Variants in OGFOD1 observed in about 807,000 individuals in gnomAD.
OGFOD1 encodes the protein 2-oxoglutarate and iron dependent oxygenase domain containing 1.
A neutral mutation model predicts 67.7 loss-of-function variants in OGFOD1; 54 were observed. That is an observed-to-expected ratio of 0.80 (90% CI 0.64 to 1.00). OGFOD1 has a LOEUF of 1.00. Ranked by LOEUF, OGFOD1 falls within the 50% of genes least tolerant of loss-of-function variation. The pLI is 0.00. For synonymous variants in OGFOD1, 221 were observed against 227.0 expected, an observed-to-expected ratio of 0.97 and a Z score of 0.24; for missense variants, 606 against 646.7, an observed-to-expected ratio of 0.94 and a Z score of 0.68.
rs776491741 is a variant in OGFOD1, at chr16:56,470,077, C to G, written c.975C>G (p.Asn325Lys). ...HVEWSSRGPPNKRFYEKAEES... is the reference protein window; with the variant it reads ...HVEWSSRGPPKKRFYEKAEES... The stretch of plus-strand genomic sequence containing the variant: ...AATGGAGCAGCCGAGGTCCCCCTAA[C>G]AAAAGGTAGAACCCGTCATCTGAGA... The change falls in exon 9 of 13, where the codon AAC (asparagine) becomes AAG (lysine). Residue 325 changes from asparagine to lysine, a missense_variant. Asn to Lys is a moderately conservative substitution (Grantham distance 94). Transcript: ENST00000566157. The G allele has an allele frequency of 6.2e-7, 1 of 1,613,688 alleles. No individual in the cohort carries two copies. Among genetic ancestry groups the G allele is most frequent in the Non-Finnish European group, 8.5e-7 (1 of 1,179,668 alleles).
Position 56,470,322 on chromosome 16 carries a change from GTCCTAACAAAA to G in OGFOD1, c.981-151_981-141del, listed in dbSNP as rs371492341. 1,087 of 708,892 alleles carry G rather than the reference GTCCTAACAAAA, an allele frequency of 1.5e-3. 8 individuals carry two copies. In the Admixed American group the frequency reaches 0.02, roughly 13 times the overall value. The allele number at this position is 708,892 out of a possible 1,614,324, so 43.9% of individuals were successfully genotyped here. A position where few individuals can be genotyped will look rare whatever the true frequency, so the allele number is the denominator to read the frequency against. ...TCTCAGGGACATCCAGTAGCAGGAT[GTCCTAACAAAA>G]TCCTAACAAAATCTCACTATTGTAA... On this transcript the variant is annotated intron_variant, in intron 9 of 12. Transcript: ENST00000566157.
At chr16:56,475,037 T>C in intron 11 of OGFOD1, 87 bp downstream of exon 11, 1 of 1,402,018 alleles carries the variant, frequency 7.1e-7, no homozygotes, top group South Asian at 1.3e-5. Flanking sequence ...AACCAATTCA[T>C]AAGTAATTTG....
chr16:56,466,734 T>G, intron 5 of OGFOD1, 142 bp from the exon 6 acceptor site: 1 of 689,990 alleles, frequency 1.4e-6, no homozygotes, highest in Non-Finnish European at 2.6e-6. Context: ...CAAGTATGAG[T>G]GAAGCAGATG....
At chr16:56,471,650 GACA>G (rs1485467043) in intron 10 of OGFOD1, among the ~76,000 whole-genome samples, 3 of 152,220 alleles carry the variant, frequency 2.0e-5, no homozygotes, top group African/African-American at 7.2e-5. Context: ...GGAGAGCAGA[GACA>G]AGGGGTGGAT....
intron 2 of OGFOD1, among the ~76,000 whole-genome samples, chr16:56,456,565 G>A (rs1353712715): frequency 2.6e-5 from 4 of 152,278 alleles, no homozygotes; most frequent in South Asian, 2.1e-4. Flanking sequence ...CCAGTCCATC[G>A]TGAAACTCTG....
At chr16:56,469,959 A>G in intron 8 of OGFOD1, 44 bp from the exon 9 acceptor site, 2 of 1,557,104 alleles carry the variant, frequency 1.3e-6, no homozygotes, top group Non-Finnish European at 1.8e-6. Flanking sequence ...GTGCGGGGTA[A>G]TAGGGAGATC....
Position 56,451,575 on chromosome 16 carries a change from C to G in OGFOD1, c.-38C>G, listed in dbSNP as rs769359469. 9.3e-6 allele frequency: 15 copies of G among 1,610,602 alleles called. No homozygotes were observed. The African/African-American group carries it at 1.2e-4, about 13-fold the overall frequency. ...TGCAGTACCCTCAGGAAGGTAGCGT[C>G]TTGATCTGCGTGGCGTGGTTCTGTG... is the stretch of plus-strand genomic sequence containing the variant. On this transcript the variant is annotated 5_prime_UTR_variant, in exon 1 of 13. Coordinates refer to ENST00000566157, the MANE Select transcript of OGFOD1 (RefSeq NM_018233.4).
chr16:56,454,645 TGGG>T (rs201899263), intron 2 of OGFOD1: 2 of 319,046 alleles, frequency 6.3e-6, no homozygotes, highest in African/African-American at 2.5e-5. Context: ...TGCTTCAAAT[TGGG>T]GGGGGAAAAA....
At chr16:56,471,365 GAAA>G (rs755598469) in intron 10 of OGFOD1, among the ~76,000 whole-genome samples, 2 of 92,560 alleles carry the variant, frequency 2.2e-5, no homozygotes, top group African/African-American at 4.1e-5. Context: ...ACATCTCAAA[GAAA>G]AAAAAAAAAA....
intron 12 of OGFOD1, 62 bp from the exon 13 acceptor site, chr16:56,475,982 A>G: frequency 7.0e-7 from 1 of 1,435,080 alleles, no homozygotes; most frequent in Non-Finnish European, 9.6e-7. Context: ...TCCATGGTTA[A>G]TCATCCAAGA....
chr16:56,470,572 C>T lies in OGFOD1; in HGVS notation c.1066C>T (p.Leu356=). ...ATTTCGCTCTGAGGCACTATTCTTG[C>T]TGCTCTCCAACTTCACAGGCCTGAA... ...KLFRSEALFL[L]LSNFTGLKLH... is the part of the protein sequence containing the mutation. The change falls in exon 10 of 13, where the codon CTG becomes TTG. Residue 356 remains leucine, a synonymous_variant. Coordinates refer to ENST00000566157, the MANE Select transcript of OGFOD1 (RefSeq NM_018233.4). 1 of 1,614,148 alleles carries T rather than the reference C, an allele frequency of 6.2e-7. No homozygotes were observed.
chr16:56,461,523 C>T (rs1267820278), intron 3 of OGFOD1, among the ~76,000 whole-genome samples: 1 of 152,194 alleles, frequency 6.6e-6, no homozygotes, highest in African/African-American at 2.4e-5. Flanking sequence ...AATTATCAAA[C>T]CCAAGGAGGC....
At chr16:56,475,474 C>G (rs775230945) in intron 11 of OGFOD1, 33 bp from the exon 12 acceptor site, 1 of 1,604,424 alleles carries the variant, frequency 6.2e-7, no homozygotes, top group African/African-American at 1.3e-5. Flanking sequence ...TCAATAGGAG[C>G]TTTCTGAATG....
Position 56,470,515 on chromosome 16 carries a change from C to T in OGFOD1, c.1009C>T (p.Leu337Phe). 6.2e-7 allele frequency: 1 copy of T among 1,613,054 alleles called. No homozygotes were observed. The highest frequency in any genetic ancestry group is 8.5e-7 in the Non-Finnish European group (1 of 1,179,688). ...TTATGAGAAAGCTGAGGAGAGTAAG[C>T]TTCCTGAGATATTGAAGGAGTGCAT... is the stretch of plus-strand genomic sequence containing the variant. The part of the protein sequence containing the change: ...RFYEKAEESK[L>F]PEILKECMKL... The change falls in exon 10 of 13, where the codon CTT becomes TTT. Residue 337 changes from leucine to phenylalanine, a missense_variant. Coordinates refer to ENST00000566157, the MANE Select transcript of OGFOD1 (RefSeq NM_018233.4).
chr16:56,475,205 A>G (rs1016234779), intron 11 of OGFOD1, among the ~76,000 whole-genome samples: 3 of 152,204 alleles, frequency 2.0e-5, no homozygotes, highest in African/African-American at 7.2e-5. Context: ...TCCCAGATCT[A>G]TAGATTTTAT....
At chr16:56,457,936 C>G (rs1962580878) in intron 2 of OGFOD1, among the ~76,000 whole-genome samples, 1 of 152,158 alleles carries the variant, frequency 6.6e-6, no homozygotes, top group Non-Finnish European at 1.5e-5. Flanking sequence ...CCTCGGCCTC[C>G]CAAAGTTCTG....
chr16:56,475,660 T>G (rs1471166623), intron 12 of OGFOD1, 95 bp downstream of exon 12: 5 of 970,900 alleles, frequency 5.1e-6, no homozygotes, highest in Non-Finnish European at 8.1e-6. Flanking sequence ...ACCAGTGTCT[T>G]TAGCTAATAA....
rs1171308067 is a variant in OGFOD1 at position 56,470,571 on chromosome 16, G to T, written c.1065G>T (p.Leu355Phe). Reference sequence around the variant, plus strand: ...TATTTCGCTCTGAGGCACTATTCTTGCTGCTCTCCAACTTCACAGGCCTGA... The same window carrying T: ...TATTTCGCTCTGAGGCACTATTCTTTCTGCTCTCCAACTTCACAGGCCTGA... ...MKLFRSEALF[L>F]LLSNFTGLKL... The change falls in exon 10 of 13, where the codon TTG (leucine) becomes TTT (phenylalanine). Residue 355 changes from leucine (L) to phenylalanine (F), a missense_variant. Physicochemically the swap from Leu to Phe is conservative, Grantham distance 22. Coordinates refer to ENST00000566157, the MANE Select transcript of OGFOD1 (RefSeq NM_018233.4). 1 of 1,614,160 alleles carries T rather than the reference G, an allele frequency of 6.2e-7. No individual in the cohort carries two copies. The highest frequency in any genetic ancestry group is 8.5e-7 in the Non-Finnish European group (1 of 1,180,032).
chr16:56,467,314 CCTTAT>C (rs1227263161), intron 7 of OGFOD1, 21 bp downstream of exon 7: 1 of 1,613,642 alleles, frequency 6.2e-7, no homozygotes, highest in Non-Finnish European at 8.5e-7. Flanking sequence ...TTGCTGATAT[CCTTAT>C]CTTAGGAGCT....
Sources: allele counts gnomAD v4.1 joint callset (sites outside exome capture counted in the v4.1 genomes callset), GRCh38; gene constraint gnomAD v4.1.1; transcripts MANE v1.5; gene names NCBI Gene and HGNC (gene_info 2026-07-23, HGNC 2026-07-21).